ACAP2: variants seen among roughly 807,000 people sequenced by gnomAD.
ACAP2 encodes the protein arf-GAP with coiled-coil, ANK repeat and PH domain-containing protein 2.
Under a neutral mutation model 115.8 loss-of-function variants are expected in ACAP2, and 39 were observed. The ratio of observed to expected loss-of-function variants is 0.34; its 90% CI spans 0.26 to 0.44. The LOEUF is 0.44. ACAP2 is among the 20% of genes least tolerant of loss of function. The pLI, the probability that ACAP2 is intolerant of heterozygous loss-of-function variation, is 1.00. For synonymous variants in ACAP2, 289 were observed against 315.8 expected (o/e 0.92, Z 0.90); for missense variants, 662 against 927.6 (o/e 0.71, Z 3.72).
chr3:195,285,528 A>T (rs1395748274), intron 22 of ACAP2: 2 of 366,630 alleles, frequency 5.5e-6, no homozygotes, highest in South Asian at 1.8e-4. Context: ...GCAAATAAAG[A>T]AGTCAGCAGC....
At chr3:195,439,121 G>A (rs934972751) in intron 1 of ACAP2, among the ~76,000 whole-genome samples, 2 of 149,570 alleles carry the variant, frequency 1.3e-5, no homozygotes, top group Admixed American at 6.7e-5. Flanking sequence ...GCAGGATGGT[G>A]TATGATAGAC....
At chr3:195,313,989 A>G (rs1728924126) in intron 10 of ACAP2, among the ~76,000 whole-genome samples, 1 of 152,148 alleles carries the variant, frequency 6.6e-6, no homozygotes, top group African/African-American at 2.4e-5. Context: ...TTGAGATATT[A>G]CCAACTACAA....
chr3:195,398,022 AAG>A (rs757915036), intron 1 of ACAP2, among the ~76,000 whole-genome samples: 1 of 152,214 alleles, frequency 6.6e-6, no homozygotes, highest in Non-Finnish European at 1.5e-5. Context: ...GGCTTACTGG[AAG>A]AGAGACAAAA....
rs150453415 is a variant in ACAP2 at position 195,301,584 on chromosome 3, T to C, written c.1386A>G (p.Glu462=). Reference sequence around the variant, plus strand: ...CAAAAATTTTTTTTACCTTTAAAAGTTCTGGCTCCCAGGTGTCTAAAGTTA... The same window carrying C: ...CAAAAATTTTTTTTACCTTTAAAAGCTCTGGCTCCCAGGTGTCTAAAGTTA... ...RSLTLDTWEP[E]LLKLMCELGN... The change falls in exon 15 of 23, where the codon GAA becomes GAG. Residue 462 remains glutamate (E), a synonymous_variant. Transcript: ENST00000326793. 1,001 of 1,609,736 alleles carry C rather than the reference T, an allele frequency of 6.2e-4. No homozygotes were observed. The highest frequency in any genetic ancestry group is 1.2e-3 in the Admixed American group (70 of 59,054).
intron 1 of ACAP2, among the ~76,000 whole-genome samples, chr3:195,401,480 C>T (rs550483364): frequency 1.1e-4 from 16 of 152,218 alleles, no homozygotes; most frequent in Admixed American, 5.9e-4. Context: ...GTCTGACCAA[C>T]GCAGTGAAAC....
intron 4 of ACAP2, among the ~76,000 whole-genome samples, chr3:195,351,904 T>C (rs1209333127): frequency 6.6e-6 from 1 of 152,214 alleles, no homozygotes; most frequent in Non-Finnish European, 1.5e-5. Flanking sequence ...AAAGTGACTA[T>C]GCCAAGTGTT....
At chr3:195,427,210 A>C (rs1714750390) in intron 1 of ACAP2, among the ~76,000 whole-genome samples, 1 of 152,200 alleles carries the variant, frequency 6.6e-6, no homozygotes, top group Non-Finnish European at 1.5e-5. Flanking sequence ...AAGGTATAAA[A>C]AACTAAAATA....
intron 8 of ACAP2, among the ~76,000 whole-genome samples, chr3:195,329,062 AGAGT>A (rs1380823742): frequency 1.3e-5 from 2 of 150,040 alleles, no homozygotes; most frequent in African/African-American, 4.9e-5. Flanking sequence ...CCTGGGCAAC[AGAGT>A]GAGACTCCGT....
chr3:195,292,336 G>T lies in ACAP2; in HGVS notation c.1882C>A (p.His628Asn). ...TTGGCCCAGTTCACGTCTGCACCAT[G>T]AGCCAAAGCCTCAGCCATTTTAGGA... ...NLPKMAEALAHGADVNWANSE... is the reference protein window; with the variant it reads ...NLPKMAEALANGADVNWANSE... Residue 628 changes from histidine (H) to asparagine (N), a missense_variant, in exon 19 of 23, where the codon CAT (histidine) becomes AAT (asparagine). By Grantham distance (68) the His-to-Asn change is moderately conservative (BLOSUM62 1). This residue lies in a region of ACAP2 where 128 missense variants were observed against 200.2 expected (regional missense o/e 0.64). Coordinates refer to ENST00000326793, the MANE Select transcript of ACAP2 (RefSeq NM_012287.6). 6.2e-7 allele frequency: 1 copy of T among 1,613,882 alleles called. No individual in the cohort carries two copies. Among genetic ancestry groups the T allele is most frequent in the South Asian group, 1.1e-5 (1 of 91,052 alleles).
intron 1 of ACAP2, among the ~76,000 whole-genome samples, chr3:195,416,723 A>G (rs889682635): frequency 6.6e-6 from 1 of 152,246 alleles, no homozygotes; most frequent in African/African-American, 2.4e-5. Context: ...ATGAATTTCC[A>G]AGTAGCACAA....
intron 18 of ACAP2, among the ~76,000 whole-genome samples, chr3:195,293,364 G>A (rs1577246429): frequency 6.6e-6 from 1 of 152,182 alleles, no homozygotes; most frequent in South Asian, 2.1e-4. Context: ...TCATGGAGGA[G>A]GGGACAAGGG....
chr3:195,342,883 T>TA (rs1560265596), intron 5 of ACAP2, among the ~76,000 whole-genome samples: 2 of 151,770 alleles, frequency 1.3e-5, no homozygotes, highest in Non-Finnish European at 2.9e-5. Context: ...GTAGTCCCAG[T>TA]TACTCAGGAG....
At chr3:195,330,055 A>C (rs1406025592) in intron 8 of ACAP2, among the ~76,000 whole-genome samples, 1 of 151,700 alleles carries the variant, frequency 6.6e-6, no homozygotes, top group Non-Finnish European at 1.5e-5. Context: ...CCCCCCATCA[A>C]CTCACCCACT....
chr3:195,393,585 T>A (rs904551058), intron 1 of ACAP2, among the ~76,000 whole-genome samples: 24 of 152,244 alleles, frequency 1.6e-4, no homozygotes, highest in Non-Finnish European at 2.9e-5. Context: ...AAGTTTCTCA[T>A]TTGCTTCAGC....
Position 195,278,371 on chromosome 3 carries a change from T to C in ACAP2, c.*957A>G, listed in dbSNP as rs1726269188. On this transcript the variant is annotated 3_prime_UTR_variant, in exon 23 of 23. Coordinates refer to ENST00000326793, the MANE Select transcript of ACAP2 (RefSeq NM_012287.6). ...TAAGTGGGGTTCTTTTTCTCCTTTG[T>C]ACAGAGATTTTTCTTTCACTAGGAG... 6.6e-6 allele frequency: 1 copy of C among 152,152 alleles called. No individual in the cohort carries two copies. The highest frequency in any genetic ancestry group is 1.5e-5 in the Non-Finnish European group (1 of 68,018). 9.4% of individuals were successfully genotyped at this position (152,152 alleles called of 1,614,324 possible). A position where few individuals can be genotyped will look rare whatever the true frequency, so the allele number is the denominator to read the frequency against.
chr3:195,367,744 G>C (rs1452056217), intron 4 of ACAP2, among the ~76,000 whole-genome samples: 3 of 148,386 alleles, frequency 2.0e-5, no homozygotes, highest in Non-Finnish European at 4.5e-5. Context: ...AGCCTGCTGG[G>C]GAGAGAGGCC....
At chr3:195,399,392 C>G (rs1712074274) in intron 1 of ACAP2, among the ~76,000 whole-genome samples, 1 of 152,010 alleles carries the variant, frequency 6.6e-6, no homozygotes, top group Non-Finnish European at 1.5e-5. Context: ...TCTTGTTGAC[C>G]AGTCTGGTCT....
At position 195,387,606 on chromosome 3, in the gene ACAP2, G is replaced by T. The variant is rs578164459; in HGVS notation, c.111+4484C>A. 2.0e-5 allele frequency among the ~76,000 whole-genome samples: 3 copies of T among 152,192 alleles called. No homozygotes were observed. In the South Asian group the frequency reaches 6.2e-4, roughly 32 times the overall value. ...GCGCACGCACACAACCACGCCAGGG[G>T]CACCATACCCAGCTAATTTTTGTAT... On this transcript the variant is annotated intron_variant, in intron 2 of 22. Transcript: ENST00000326793.
intron 10 of ACAP2, among the ~76,000 whole-genome samples, chr3:195,311,966 T>C (rs887121579): frequency 2.0e-5 from 3 of 150,874 alleles, no homozygotes; most frequent in African/African-American, 7.3e-5. Context: ...CTTTAAAATA[T>C]ATTTGTTGTA....
Sources: gnomAD v4.1 joint callset for allele counts (sites outside exome capture counted in the v4.1 genomes callset) on GRCh38, gnomAD v4.1.1 for gene constraint, gnomAD v4.1.1 regional missense constraint, MANE v1.5 for transcripts, NCBI Gene and HGNC (gene_info 2026-07-23, HGNC 2026-07-21) for gene names.